Variants in NUSAP1 observed in about 807,000 individuals in gnomAD.
NUSAP1 encodes the protein nucleolar and spindle-associated protein 1.
In NUSAP1, 32 loss-of-function variants were observed where a neutral mutation model predicts 52.8. That is an observed-to-expected ratio of 0.61 (90% CI 0.46 to 0.81). The LOEUF is 0.81. Ranked by LOEUF, NUSAP1 falls within the 40% of genes least tolerant of loss-of-function variation. The pLI is 0.00. For synonymous variants in NUSAP1, 195 were observed against 183.1 expected (o/e 1.06, Z -0.52); for missense variants, 499 against 522.3 (o/e 0.96, Z 0.43).
intron 1 of NUSAP1, among the ~76,000 whole-genome samples, chr15:41,338,669 C>A (rs1232734002): frequency 6.6e-6 from 1 of 152,006 alleles, no homozygotes; most frequent in South Asian, 2.1e-4. Context: ...GAGAGAGAGA[C>A]CAGGCGCCAG....
intron 6 of NUSAP1, among the ~76,000 whole-genome samples, chr15:41,360,022 G>T (rs963301864): frequency 2.6e-5 from 4 of 151,024 alleles, no homozygotes; most frequent in African/African-American, 4.9e-5. Context: ...GCAATGGTGC[G>T]ATCTTGCCTC....
chr15:41,355,387 G>A (rs2048927677), intron 4 of NUSAP1, among the ~76,000 whole-genome samples: 2 of 149,098 alleles, frequency 1.3e-5, no homozygotes, highest in South Asian at 4.3e-4. Context: ...TGGCCAGGAT[G>A]GTCTCCATCT....
chr15:41,379,955 T>A, intron 10 of NUSAP1, 138 bp from the exon 11 acceptor site: 1 of 606,552 alleles, frequency 1.6e-6, no homozygotes, highest in Non-Finnish European at 3.0e-6. Flanking sequence ...CAGAGCACAG[T>A]GCCCTCTAAG....
chr15:41,350,651 T>G (rs1027014583), intron 3 of NUSAP1, among the ~76,000 whole-genome samples: 1 of 152,196 alleles, frequency 6.6e-6, no homozygotes. Context: ...TTTTTACTTT[T>G]CTTGGAGTGA....
chr15:41,366,449 A>G (rs530672587), intron 7 of NUSAP1, among the ~76,000 whole-genome samples: 7 of 151,928 alleles, frequency 4.6e-5, no homozygotes, highest in Non-Finnish European at 1.5e-5. Context: ...ACACCCGGCT[A>G]AGTTTTTATT....
At chr15:41,342,241 C>G (rs2048390359) in intron 1 of NUSAP1, 145 bp from the exon 2 acceptor site, 2 of 619,556 alleles carry the variant, frequency 3.2e-6, no homozygotes, top group African/African-American at 3.9e-5. Flanking sequence ...TTCCTTAGAG[C>G]AGAGACCCAT....
chr15:41,356,990 TGG>T (rs1049001140), intron 5 of NUSAP1, among the ~76,000 whole-genome samples: 3 of 152,324 alleles, frequency 2.0e-5, no homozygotes, highest in African/African-American at 7.2e-5. Flanking sequence ...AGGATACAGT[TGG>T]GGTCAGCAAA....
intron 9 of NUSAP1, 38 bp from the exon 10 acceptor site, chr15:41,377,158 C>T (rs2049974620): frequency 9.4e-7 from 1 of 1,068,820 alleles, no homozygotes; most frequent in Non-Finnish European, 1.4e-6. Context: ...ATAAATCAAA[C>T]AATCTTTTTA....
At chr15:41,363,965 G>C (rs1361840026) in intron 6 of NUSAP1, among the ~76,000 whole-genome samples, 1 of 151,858 alleles carries the variant, frequency 6.6e-6, no homozygotes, top group African/African-American at 2.4e-5. Flanking sequence ...AGAATTATTT[G>C]TAGATTCCAC....
chr15:41,367,127 C>T (rs978644524), intron 7 of NUSAP1, among the ~76,000 whole-genome samples: 1 of 152,166 alleles, frequency 6.6e-6, no homozygotes, highest in East Asian at 1.9e-4. Context: ...GCTTGGCTGG[C>T]CTTCGGGCAT....
chr15:41,356,585 C>T (rs556393870), intron 5 of NUSAP1, among the ~76,000 whole-genome samples: 1 of 152,164 alleles, frequency 6.6e-6, no homozygotes, highest in Non-Finnish European at 1.5e-5. Flanking sequence ...AACTTCTTGA[C>T]CTCATGATCC....
chr15:41,337,612 C>A (rs1012530489), intron 1 of NUSAP1, among the ~76,000 whole-genome samples: 1 of 152,186 alleles, frequency 6.6e-6, no homozygotes, highest in Admixed American at 6.6e-5. Context: ...TTTCTCTGTT[C>A]TTTTCTACTG....
intron 6 of NUSAP1, among the ~76,000 whole-genome samples, chr15:41,364,286 A>G (rs2049299680): frequency 6.6e-6 from 1 of 151,908 alleles, no homozygotes; most frequent in South Asian, 2.1e-4. Flanking sequence ...GGTGGCTCAC[A>G]CCTGTAATCC....
intron 7 of NUSAP1, among the ~76,000 whole-genome samples, chr15:41,368,728 C>CTTTTTTTTTTTTTTTT (rs57501156): frequency 6.4e-5 from 5 of 77,916 alleles, no homozygotes; most frequent in Admixed American, 3.5e-4. Context: ...TTATTTTATT[C>CTTTTTTTTTTTTTTTT]TTTTTTTTTT....
At chr15:41,350,492 CG>C (rs2048738750) in intron 3 of NUSAP1, among the ~76,000 whole-genome samples, 1 of 146,872 alleles carries the variant, frequency 6.8e-6, no homozygotes, top group African/African-American at 2.5e-5. Context: ...AACCAGGGGT[CG>C]GGGGGAGGGT....
intron 7 of NUSAP1, among the ~76,000 whole-genome samples, chr15:41,368,478 T>C (rs916414870): frequency 1.7e-4 from 26 of 152,296 alleles, no homozygotes; most frequent in African/African-American, 5.8e-4. Context: ...CGTAACCTAG[T>C]GGGAACTACA....
At chr15:41,357,020 C>T (rs1206387765) in intron 5 of NUSAP1, among the ~76,000 whole-genome samples, 1 of 152,090 alleles carries the variant, frequency 6.6e-6, no homozygotes, top group Non-Finnish European at 1.5e-5. Context: ...CTGCCTTGGC[C>T]TGTCTTATAT....
At chr15:41,349,771 T>C (rs1281994447) in intron 3 of NUSAP1, among the ~76,000 whole-genome samples, 4 of 148,860 alleles carry the variant, frequency 2.7e-5, no homozygotes, top group Non-Finnish European at 4.5e-5. Flanking sequence ...CTTTTCTTTT[T>C]TTTTTTTTTT....
At chr15:41,372,809 C>T (rs1055169456) in intron 8 of NUSAP1, among the ~76,000 whole-genome samples, 2 of 152,040 alleles carry the variant, frequency 1.3e-5, no homozygotes, top group South Asian at 2.1e-4. Flanking sequence ...AAGGATTGGC[C>T]GGACGCAGTG....
Sources: allele counts gnomAD v4.1 joint callset (sites outside exome capture counted in the v4.1 genomes callset), GRCh38; gene constraint gnomAD v4.1.1; transcripts MANE v1.5; gene names NCBI Gene and HGNC (gene_info 2026-07-23, HGNC 2026-07-21).